MORF4L2: variants seen among roughly 807,000 people sequenced by gnomAD.
The protein encoded by MORF4L2 is mortality factor 4-like protein 2.
In MORF4L2, 1 loss-of-function variant was observed where a neutral mutation model predicts 12.0. That is an observed-to-expected ratio of 0.08 (90% CI 0.03 to 0.40). MORF4L2 has a LOEUF of 0.40. Ranked by LOEUF, MORF4L2 falls within the 10% of genes least tolerant of loss-of-function variation. MORF4L2 has a pLI of 0.98. For synonymous variants in MORF4L2, 69 were observed against 81.6 expected (o/e 0.85, Z 0.83); for missense variants, 123 against 214.0 (o/e 0.57, Z 2.65).
Position 103,676,456 on chromosome X carries a change from T to C in MORF4L2, c.572A>G (p.Asn191Ser), listed in dbSNP as rs2073849033. 1 of 1,209,665 alleles carries C rather than the reference T, an allele frequency of 8.3e-7. No homozygotes were observed. Among genetic ancestry groups the C allele is most frequent in the African/African-American group, 1.8e-5 (1 of 57,043 alleles). Residue 191 changes from asparagine (N) to serine (S), a missense_variant, in exon 4 of 4, where the codon AAT becomes AGT. Transcript: ENST00000441076. ...GAGCAGCTGAGTGCCCAACATCACATTGAAATATTCTTTTATTCCTGCCAC... is the reference window on the plus strand; with the variant it reads ...GAGCAGCTGAGTGCCCAACATCACACTGAAATATTCTTTTATTCCTGCCAC... ...EVVAGIKEYFNVMLGTQLLYK... is the reference protein window; with the variant it reads ...EVVAGIKEYFSVMLGTQLLYK...
At chrX:103,686,306 A>G (rs917551713) in intron 1 of MORF4L2, among the ~76,000 whole-genome samples, 9 of 112,003 alleles carry the variant, frequency 8.0e-5, no homozygotes, top group South Asian at 3.7e-4. Context: ...GCGAATTTAT[A>G]TAATTTATAA....
At position 103,675,928 on chromosome X, in the gene MORF4L2, A is replaced by G. The variant is rs2073838145; in HGVS notation, c.*233T>C. On this transcript the variant is annotated 3_prime_UTR_variant, in exon 4 of 4. Coordinates refer to ENST00000441076, the MANE Select transcript of MORF4L2 (RefSeq NM_012286.3). ...TGTCAACTAGGCAATAAAATGTTCT[A>G]CTGAATGTTTCTTCTTTGTTCTAAT... The G allele has an allele frequency of 3.1e-6, 1 of 323,006 alleles. No homozygotes were observed. The highest frequency in any genetic ancestry group is 2.7e-5 in the African/African-American group (1 of 36,926). 26.6% of individuals were successfully genotyped at this position (323,006 alleles called of 1,213,427 possible).
chrX:103,683,416 ATCTGATAGTTC>A (rs926547537), intron 2 of MORF4L2, among the ~76,000 whole-genome samples: 1 of 112,576 alleles, frequency 8.9e-6, no homozygotes, highest in Non-Finnish European at 1.9e-5. Context: ...ACAGTGGTAT[ATCTGATAGTTC>A]TCACCAGTAT....
intron 2 of MORF4L2, among the ~76,000 whole-genome samples, chrX:103,679,531 A>G (rs2073932203): frequency 9.1e-6 from 1 of 109,799 alleles, no homozygotes; most frequent in Admixed American, 9.8e-5. Flanking sequence ...CAAAAAAAAA[A>G]AGATAGTACA....
chrX:103,682,835 C>A (rs2074016204), intron 2 of MORF4L2, among the ~76,000 whole-genome samples: 1 of 111,888 alleles, frequency 8.9e-6, no homozygotes, highest in African/African-American at 3.3e-5. Context: ...TCCCTTGTGA[C>A]CTTTGGCTTT....
rs1278800477 is a variant in MORF4L2, at chrX:103,676,752, G to A, written c.276C>T (p.Ser92=). 5.0e-6 allele frequency: 6 copies of A among 1,207,130 alleles called. No homozygotes were observed. The highest frequency in any genetic ancestry group is 3.5e-5 in the African/African-American group (2 of 56,479). ...TPGNGDGGST[S]EAPQPPRKKR... ...TCTTCCGAGGGGGCTGAGGTGCTTC[G>A]CTGGTACTGCCACCATCTCCGTTTC... The change falls in exon 4 of 4, where the codon AGC becomes AGT. Residue 92 remains serine, a synonymous_variant. Transcript: ENST00000441076.
chrX:103,685,937 G>A (rs1233756777), intron 1 of MORF4L2, among the ~76,000 whole-genome samples: 1 of 110,957 alleles, frequency 9.0e-6, no homozygotes, highest in Non-Finnish European at 1.9e-5. Flanking sequence ...CTACTGTGAC[G>A]CCTAAAAAAA....
intron 2 of MORF4L2, among the ~76,000 whole-genome samples, chrX:103,681,393 G>A (rs1218150899): frequency 9.0e-6 from 1 of 111,300 alleles, no homozygotes; most frequent in Non-Finnish European, 1.9e-5. Context: ...CCCATGTTAA[G>A]GTTATTATAT....
Position 103,676,299 on chromosome X carries a change from G to T in MORF4L2, c.729C>A (p.Pro243=), listed in dbSNP as rs760146398. 1.7e-6 allele frequency: 2 copies of T among 1,210,993 alleles called. No individual in the cohort carries two copies. Among genetic ancestry groups the T allele is most frequent in the Non-Finnish European group, 2.2e-6 (2 of 895,200 alleles). ...VRIGAMLAYT[P]LDEKSLALLL... is the part of the protein sequence containing the mutation. ...ATAATGCAAGGCTTTTCTCATCAAG[G>T]GGCGTATAGGCCAACATTGCTCCAA... Residue 243 remains proline, a synonymous_variant, in exon 4 of 4, where the codon CCC becomes CCA. Coordinates refer to ENST00000441076, the MANE Select transcript of MORF4L2 (RefSeq NM_012286.3).
Position 103,677,001 on chromosome X carries a change from T to C in MORF4L2, c.27A>G (p.Gln9=), listed in dbSNP as rs1371840530. The C allele has an allele frequency of 8.4e-7, 1 of 1,196,838 alleles. No individual in the cohort carries two copies. The highest frequency in any genetic ancestry group is 1.1e-6 in the Non-Finnish European group (1 of 891,411). MSSRKQGS[Q]PRGQQSAEEE... The stretch of plus-strand genomic sequence containing the variant: ...CTTCTGCAGATTGCTGTCCACGAGG[T>C]TGAGAACCCTGCTTTCTGGAACTCA... The change falls in exon 4 of 4, where the codon CAA becomes CAG. Residue 9 remains glutamine, a synonymous_variant. Coordinates refer to ENST00000441076, the MANE Select transcript of MORF4L2 (RefSeq NM_012286.3).
intron 1 of MORF4L2, 140 bp from the exon 2 acceptor site, chrX:103,685,400 TC>T (rs1200360663): frequency 1.8e-5 from 2 of 112,782 alleles, no homozygotes; most frequent in African/African-American, 6.4e-5. Flanking sequence ...TGTTTCTTTT[TC>T]CTTTCTTGTG....
intron 2 of MORF4L2, among the ~76,000 whole-genome samples, chrX:103,682,482 T>C (rs1298970191): frequency 8.9e-6 from 1 of 111,781 alleles, no homozygotes; most frequent in Non-Finnish European, 1.9e-5. Context: ...TAAAAGTTCA[T>C]TTTTTCATGA....
upstream of MORF4L2, chrX:103,687,292 A>G (rs1156551253): frequency 3.6e-5 from 4 of 111,757 alleles, no homozygotes; most frequent in African/African-American, 1.3e-4. Flanking sequence ...CTCCCCGAAC[A>G]CGGAAAAAAA....
intron 3 of MORF4L2, 53 bp downstream of exon 3, chrX:103,678,446 T>C (rs867281380): frequency 1.2e-4 from 13 of 111,744 alleles, no homozygotes; most frequent in African/African-American, 3.6e-4. Context: ...ATGCAAAAAA[T>C]AGTCTTCCAT....
chrX:103,679,879 A>AG, intron 2 of MORF4L2, among the ~76,000 whole-genome samples: 7 of 96,546 alleles, frequency 7.3e-5, no homozygotes, highest in African/African-American at 2.3e-4. Flanking sequence ...AAAAAAAAAA[A>AG]AAAAAAGAAA....
intron 2 of MORF4L2, among the ~76,000 whole-genome samples, chrX:103,679,349 CAAAAA>C (rs35036219): frequency 0.028 from 1,794 of 63,279 alleles, 25 homozygotes; most frequent in Non-Finnish European, 0.041. Flanking sequence ...ACTAAAAATA[CAAAAA>C]AAAAAAAAAA....
At chrX:103,678,431 T>C (rs1460464108) in intron 3 of MORF4L2, 68 bp downstream of exon 3, 1 of 111,876 alleles carries the variant, frequency 8.9e-6, no homozygotes, top group African/African-American at 3.2e-5. Flanking sequence ...GCTAGTAAGA[T>C]AAGGATGCAA....
chrX:103,681,998 A>C (rs2073995800), intron 2 of MORF4L2, among the ~76,000 whole-genome samples: 1 of 111,377 alleles, frequency 9.0e-6, no homozygotes, highest in Non-Finnish European at 1.9e-5. Flanking sequence ...ATCCTGAGTG[A>C]GCATGTATGC....
Position 103,676,879 on chromosome X carries a change from T to C in MORF4L2, c.149A>G (p.Asn50Ser). 2 of 1,208,435 alleles carry C rather than the reference T, an allele frequency of 1.7e-6. No individual in the cohort carries two copies. The highest frequency in any genetic ancestry group is 1.1e-6 in the Non-Finnish European group (1 of 894,853). ...TCTTCCTGGGAGAGCTGGTTCAAGATTTTTCTGCTGTGGACCAGCTGTCTT... is the reference window on the plus strand; with the variant it reads ...TCTTCCTGGGAGAGCTGGTTCAAGACTTTTCTGCTGTGGACCAGCTGTCTT... Reference protein sequence around the residue: ...GKKTAGPQQKNLEPALPGRWG... With the variant: ...GKKTAGPQQKSLEPALPGRWG... Residue 50 changes from asparagine (N) to serine (S), a missense_variant, in exon 4 of 4, where the codon AAT becomes AGT. Transcript: ENST00000441076.
Sources: allele counts gnomAD v4.1 joint callset (sites outside exome capture counted in the v4.1 genomes callset), GRCh38; gene constraint gnomAD v4.1.1; transcripts MANE v1.5; gene names NCBI Gene and HGNC (gene_info 2026-07-23, HGNC 2026-07-21).